Variants in IQCH observed in about 807,000 individuals in gnomAD.
IQCH encodes the protein IQ domain-containing protein H.
A neutral mutation model predicts 117.0 loss-of-function variants in IQCH; 98 were observed. The ratio of observed to expected loss-of-function variants is 0.84; its 90% CI spans 0.71 to 0.99. The LOEUF (loss-of-function observed/expected upper bound fraction) is 0.99. IQCH is among the 50% of genes least tolerant of loss of function. The probability of loss-of-function intolerance (pLI) is 0.00; values close to 1 mark genes in which losing one functional copy is unlikely to be tolerated. For synonymous variants in IQCH, 412 were observed against 448.2 expected, an observed-to-expected ratio of 0.92 and a Z score of 1.02; for missense variants, 1,102 against 1,243.8, an observed-to-expected ratio of 0.89 and a Z score of 1.72.
chr15:67,333,925 G>T (rs1057472758), intron 4 of IQCH, among the ~76,000 whole-genome samples: 1 of 151,964 alleles, frequency 6.6e-6, no homozygotes, highest in African/African-American at 2.4e-5. Flanking sequence ...AGGTGTGTTG[G>T]TGCACACCTG....
rs2082324859 is a variant in IQCH, at chr15:67,443,394, A to C, written c.2506-21733A>C. On this transcript the variant is annotated intron_variant, in intron 16 of 20. Transcript: ENST00000335894. The surrounding 1 kb of genome is among the most constrained non-coding windows in gnomAD (Gnocchi z 5.0). ...TAAGCTATGAGGATTCAAAGGCATA[A>C]GAATGATACAATCGACTTTGGGGAC... Among the ~76,000 whole-genome samples, 1 of 152,190 alleles carries C rather than the reference A, an allele frequency of 6.6e-6. No individual in the cohort carries two copies. Among genetic ancestry groups the C allele is most frequent in the African/African-American group, 2.4e-5 (1 of 41,446 alleles).
intron 10 of IQCH, among the ~76,000 whole-genome samples, chr15:67,377,406 C>G (rs911346358): frequency 6.6e-6 from 1 of 151,924 alleles, no homozygotes; most frequent in Non-Finnish European, 1.5e-5. Flanking sequence ...TGGTTCATAA[C>G]AGGAATAAAA....
At chr15:67,392,452 C>A (rs930789711) in intron 12 of IQCH, among the ~76,000 whole-genome samples, 5 of 152,092 alleles carry the variant, frequency 3.3e-5, no homozygotes, top group Non-Finnish European at 7.4e-5. Flanking sequence ...ATTGAGTTTC[C>A]TAGAACTGCA....
chr15:67,444,828 T>C (rs182023516), intron 16 of IQCH, among the ~76,000 whole-genome samples: 1 of 152,320 alleles, frequency 6.6e-6, no homozygotes, highest in Admixed American at 6.5e-5. Flanking sequence ...TTTCAAACTT[T>C]TTTGCCAAAA....
In IQCH at chr15:67,422,252, A is replaced by G. The variant is rs1281751364; in HGVS notation, c.2505+675A>G. Among the ~76,000 whole-genome samples the G allele has an allele frequency of 6.6e-6, 1 of 152,218 alleles. No individual in the cohort carries two copies. The highest frequency in any genetic ancestry group is 2.4e-5 in the African/African-American group (1 of 41,464). On this transcript the variant is annotated intron_variant, in intron 16 of 20. Coordinates refer to ENST00000335894, the MANE Select transcript of IQCH (RefSeq NM_001031715.3). The surrounding 1 kb of genome is among the most constrained non-coding windows in gnomAD (Gnocchi z 4.7). ...GGAACCGGTCTAGAGCCTGTTTTAT[A>G]TAGAAAATCAATCACTAGAAAGGAG...
rs562366561 is a variant in IQCH at position 67,362,104 on chromosome 15, G to C, written c.753+2219G>C. Among the ~76,000 whole-genome samples, 4 of 151,624 alleles carry C rather than the reference G, an allele frequency of 2.6e-5. No individual in the cohort carries two copies. The East Asian group carries it at 7.7e-4, about 29-fold the overall frequency. On this transcript the variant is annotated intron_variant, in intron 8 of 20. Transcript: ENST00000335894. ...GAAGGAGAATGAAAAGAAATACAGA[G>C]AGGATGTTAACTTTATATATATATA...
At position 67,428,000 on chromosome 15, in the gene IQCH, AT is replaced by A. The variant is rs557024467; in HGVS notation, c.2505+6428del. Among the ~76,000 whole-genome samples the A allele has an allele frequency of 7.6e-4, 116 of 151,970 alleles. 2 individuals carry two copies. Among genetic ancestry groups the A allele is most frequent in the Admixed American group, 5.9e-3 (90 of 15,270 alleles). ...CACACCACACCTGACTAACTTTTGT[AT>A]TTTTAGTAGAGACGGGGTTTCGCCA... On this transcript the variant is annotated intron_variant, in intron 16 of 20. Coordinates refer to ENST00000335894, the MANE Select transcript of IQCH (RefSeq NM_001031715.3). This position sits in a 1 kb window ranked among gnomAD's most constrained non-coding sequence, Gnocchi z 4.7.
At chr15:67,308,552 CCA>C (rs1967421785) in intron 4 of IQCH, among the ~76,000 whole-genome samples, 1 of 152,036 alleles carries the variant, frequency 6.6e-6, no homozygotes, top group African/African-American at 2.4e-5. Context: ...GCACAACATC[CCA>C]CTCCTATCAT....
At chr15:67,346,475 G>T (rs1969396199) in intron 6 of IQCH, among the ~76,000 whole-genome samples, 4 of 152,174 alleles carry the variant, frequency 2.6e-5, no homozygotes, top group Non-Finnish European at 2.9e-5. Context: ...CTCATAAGGA[G>T]CATGCAGCCT....
Position 67,357,437 on chromosome 15 carries a change from A to T in IQCH, c.714+16A>T. The stretch of plus-strand genomic sequence containing the variant: ...AAGATCAAAGGTATTTATATTCCTC[A>T]CTATAGAAAGAAAATTATTCTTATT... On this transcript the variant is annotated intron_variant, in intron 7 of 20. Transcript: ENST00000335894. 1 of 1,483,162 alleles carries T rather than the reference A, an allele frequency of 6.7e-7. No homozygotes were observed. The highest frequency in any genetic ancestry group is 9.4e-7 in the Non-Finnish European group (1 of 1,060,560). The allele number at this position is 1,483,162 out of a possible 1,614,324, so 91.9% of individuals were successfully genotyped here. A position where few individuals can be genotyped will look rare whatever the true frequency, so the allele number is the denominator to read the frequency against.
At chr15:67,464,737 TTTC>T (rs2082887921) in intron 16 of IQCH, among the ~76,000 whole-genome samples, 1 of 152,240 alleles carries the variant, frequency 6.6e-6, no homozygotes, top group Non-Finnish European at 1.5e-5. Flanking sequence ...TTTTCCCGTC[TTTC>T]TGCTCTACTG....
rs900341020 is a variant in IQCH, at chr15:67,475,007, C to A, written c.2677-689C>A. ...CACAAAATGCTTGCCCATTACTCCT[C>A]GGAACTGTTAAGATCATCAAACCAC... is the stretch of plus-strand genomic sequence containing the variant. On this transcript the variant is annotated intron_variant, in intron 17 of 20. Coordinates refer to ENST00000335894, the MANE Select transcript of IQCH (RefSeq NM_001031715.3). The surrounding 1 kb of genome is among the most constrained non-coding windows in gnomAD (Gnocchi z 5.7). Among the ~76,000 whole-genome samples the A allele has an allele frequency of 6.6e-6, 1 of 152,116 alleles. No individual in the cohort carries two copies. The highest frequency in any genetic ancestry group is 1.5e-5 in the Non-Finnish European group (1 of 68,030).
rs117683383 is a variant in IQCH, at chr15:67,264,292, T to C, written c.269+1076T>C. On this transcript the variant is annotated intron_variant, in intron 3 of 20. Coordinates refer to ENST00000335894, the MANE Select transcript of IQCH (RefSeq NM_001031715.3). The stretch of plus-strand genomic sequence containing the variant: ...GGCACTTGTATTAGTTATCTGTTGT[T>C]TAAGAAATCACTCATGTAGTAGTTT... 1.1e-4 allele frequency among the ~76,000 whole-genome samples: 16 copies of C among 151,664 alleles called. No individual in the cohort carries two copies. The East Asian group carries it at 2.8e-3, about 26-fold the overall frequency.
At chr15:67,478,880 C>T (rs1320235648) in intron 18 of IQCH, among the ~76,000 whole-genome samples, 4 of 150,946 alleles carry the variant, frequency 2.6e-5, no homozygotes, top group African/African-American at 4.9e-5. Context: ...GCCGAGATTG[C>T]GCCACTGCAC....
rs1476246631 is a variant in IQCH at position 67,344,147 on chromosome 15, C to T, written c.593C>T (p.Ala198Val). The T allele has an allele frequency of 6.2e-7, 1 of 1,613,628 alleles. No homozygotes were observed. The highest frequency in any genetic ancestry group is 8.5e-7 in the Non-Finnish European group (1 of 1,179,698). Residue 198 changes from alanine (A) to valine (V), a missense_variant, in exon 6 of 21, where the codon GCT becomes GTT. This residue lies in a region of IQCH where 452 missense variants were observed against 449.6 expected (regional missense o/e 1.01). Coordinates refer to ENST00000335894, the MANE Select transcript of IQCH (RefSeq NM_001031715.3). ...AATCCACCCATTACACCCAGAGCAG[C>T]TCCTCTGCATAGTTTTGATGAAGCA... ...FQNPPITPRA[A>V]PLHSFDEARK...
At chr15:67,310,694 G>T (rs1003970842) in intron 4 of IQCH, among the ~76,000 whole-genome samples, 1 of 152,056 alleles carries the variant, frequency 6.6e-6, no homozygotes, top group African/African-American at 2.4e-5. Context: ...GTTTGGGTTG[G>T]TTCTTACATG....
In IQCH at chr15:67,425,117, T is replaced by A. The variant is rs2081852899; in HGVS notation, c.2505+3540T>A. ...TCATATGTTTGTTTGCCCATTTATA[T>A]ATCTTTTCTTAATTGCCTAATCATA... On this transcript the variant is annotated intron_variant, in intron 16 of 20. Coordinates refer to ENST00000335894, the MANE Select transcript of IQCH (RefSeq NM_001031715.3). The surrounding 1 kb of genome is among the most constrained non-coding windows in gnomAD (Gnocchi z 5.5). Among the ~76,000 whole-genome samples, 1 of 152,222 alleles carries A rather than the reference T, an allele frequency of 6.6e-6. No homozygotes were observed. Among genetic ancestry groups the A allele is most frequent in the Non-Finnish European group, 1.5e-5 (1 of 68,034 alleles).
At position 67,370,009 on chromosome 15, in the gene IQCH, G is replaced by A. The variant is rs1228778055; in HGVS notation, c.754-2102G>A. Reference sequence around the variant, plus strand: ...ATATCATCCAAGAAGGTAGAAAGGTGTAATCCCTTTGTTCTAAAACAGCCA... The same window carrying A: ...ATATCATCCAAGAAGGTAGAAAGGTATAATCCCTTTGTTCTAAAACAGCCA... On this transcript the variant is annotated intron_variant, in intron 8 of 20. Coordinates refer to ENST00000335894, the MANE Select transcript of IQCH (RefSeq NM_001031715.3). This position sits in a 1 kb window ranked among gnomAD's most constrained non-coding sequence, Gnocchi z 5.6. Among the ~76,000 whole-genome samples the A allele has an allele frequency of 6.6e-6, 1 of 152,192 alleles. No homozygotes were observed. Among genetic ancestry groups the A allele is most frequent in the Admixed American group, 6.5e-5 (1 of 15,274 alleles).
At chr15:67,421,098 A>G in intron 15 of IQCH, 193 bp from the exon 16 acceptor site, 2 of 597,898 alleles carry the variant, frequency 3.3e-6, no homozygotes, top group South Asian at 4.0e-5. Flanking sequence ...ATAGATAGAT[A>G]CAGTATCTCC....
Sources: allele counts gnomAD v4.1 joint callset (sites outside exome capture counted in the v4.1 genomes callset), GRCh38; gene constraint gnomAD v4.1.1; regional missense constraint gnomAD v4.1.1; non-coding constraint Gnocchi (gnomAD v3.1); transcripts MANE v1.5; gene names NCBI Gene and HGNC (gene_info 2026-07-23, HGNC 2026-07-21).